The following RREB1 variants were observed in gnomAD, a reference collection of about 807,000 sequenced individuals.
The protein encoded by RREB1 is ras-responsive element-binding protein 1.
A neutral mutation model predicts 117.8 loss-of-function variants in RREB1; 27 were observed. The observed-to-expected ratio is 0.23, with a 90% CI of 0.17 to 0.32. The LOEUF (loss-of-function observed/expected upper bound fraction) is 0.32. Ranked by LOEUF, RREB1 falls within the 10% of genes least tolerant of loss-of-function variation. The pLI is 1.00. For missense variants in RREB1, 2,577 were observed against 2,378.2 expected, an observed-to-expected ratio of 1.08 and a Z score of -1.74; for synonymous variants, 1,298 against 1,026.7, an observed-to-expected ratio of 1.26 and a Z score of -5.05.
At chr6:7,181,659 G>A (rs1314101692) in intron 3 of RREB1, 3 of 604,430 alleles carry the variant, frequency 5.0e-6, no homozygotes, top group Admixed American at 3.0e-5. Context: ...ACTCAGAAAG[G>A]AGGCAAGGTT....
intron 1 of RREB1, among the ~76,000 whole-genome samples, chr6:7,171,622 G>A (rs1764213163): frequency 6.6e-6 from 1 of 152,208 alleles, no homozygotes; most frequent in Admixed American, 6.5e-5. Flanking sequence ...CCTCATGGTT[G>A]TTGTTTTGAG....
chr6:7,125,933 T>C (rs913430991), intron 1 of RREB1, among the ~76,000 whole-genome samples: 38 of 152,166 alleles, frequency 2.5e-4, no homozygotes, highest in Admixed American at 1.4e-3. Flanking sequence ...TGAATTACGG[T>C]AAGTACTTCA....
At chr6:7,127,134 A>G (rs1385504108) in intron 1 of RREB1, among the ~76,000 whole-genome samples, 1 of 151,902 alleles carries the variant, frequency 6.6e-6, no homozygotes, top group Non-Finnish European at 1.5e-5. Context: ...GGCGTGTTGT[A>G]TTGAGTTGGA....
intron 8 of RREB1, chr6:7,217,528 C>A (rs1207933878): frequency 6.6e-6 from 1 of 152,158 alleles, no homozygotes; most frequent in Non-Finnish European, 1.5e-5. Flanking sequence ...TAGCTGTCCT[C>A]TGAACGCACA....
At chr6:7,197,617 G>A (rs1019255294) in intron 6 of RREB1, among the ~76,000 whole-genome samples, 4 of 152,254 alleles carry the variant, frequency 2.6e-5, no homozygotes, top group African/African-American at 9.6e-5. Context: ...AGTGAGCTGA[G>A]ATCACGCCGC....
At chr6:7,189,483 G>A (rs1765283318) in intron 6 of RREB1, among the ~76,000 whole-genome samples, 161 bp downstream of exon 6, 1 of 152,290 alleles carries the variant, frequency 6.6e-6, no homozygotes, top group South Asian at 2.1e-4. Context: ...TATCTCTGGG[G>A]TATTAGAGGT....
At chr6:7,116,018 C>T (rs1168566432) in intron 1 of RREB1, among the ~76,000 whole-genome samples, 2 of 152,188 alleles carry the variant, frequency 1.3e-5, no homozygotes, top group South Asian at 2.1e-4. Context: ...AAGTCACAAA[C>T]GCCTCCCAAG....
At chr6:7,244,580 G>A (rs1261836641) in intron 11 of RREB1, among the ~76,000 whole-genome samples, 1 of 152,110 alleles carries the variant, frequency 6.6e-6, no homozygotes. Context: ...CATATCCCAG[G>A]ACTCATATTC....
At chr6:7,153,445 A>ACAC (rs1380017386) in intron 1 of RREB1, among the ~76,000 whole-genome samples, 2 of 105,938 alleles carry the variant, frequency 1.9e-5, no homozygotes, top group South Asian at 2.5e-4. Flanking sequence ...CACACACACA[A>ACAC]ATCCTCCAAT....
chr6:7,120,343 A>G (rs1416652703), intron 1 of RREB1, among the ~76,000 whole-genome samples: 5 of 152,058 alleles, frequency 3.3e-5, no homozygotes, highest in African/African-American at 9.7e-5. Flanking sequence ...AGTCCCAGAT[A>G]CTCAGGAGAC....
In RREB1 at chr6:7,231,192, C is replaced by T; in HGVS notation, c.3093C>T (p.Gly1031=). 3 of 1,611,468 alleles carry T rather than the reference C, an allele frequency of 1.9e-6. No individual in the cohort carries two copies. Among genetic ancestry groups the T allele is most frequent in the South Asian group, 2.2e-5 (2 of 91,044 alleles). The change falls in exon 10 of 13, where the codon GGC becomes GGT. Residue 1031 remains glycine (G), a synonymous_variant. Transcript: ENST00000379938. ...SALVSSPPLV[G]SSALLSGTAL... The stretch of plus-strand genomic sequence containing the variant: ...TGGTCAGCAGCCCTCCACTCGTGGG[C>T]AGCTCAGCCCTCCTGAGTGGCACAG...
intron 11 of RREB1, among the ~76,000 whole-genome samples, chr6:7,245,471 C>T (rs904511706): frequency 3.9e-5 from 6 of 152,174 alleles, no homozygotes; most frequent in Non-Finnish European, 5.9e-5. Context: ...AATGTACTGT[C>T]GTAATGCATA....
At chr6:7,177,853 G>C (rs1186380396) in intron 2 of RREB1, among the ~76,000 whole-genome samples, 2 of 152,174 alleles carry the variant, frequency 1.3e-5, no homozygotes, top group Non-Finnish European at 2.9e-5. Context: ...CTCCTGAGTA[G>C]CTGGGATTAC....
In RREB1 at chr6:7,110,479, G is replaced by GGTGTGTGTGTGTGTGTGT. The variant is rs111267508; in HGVS notation, c.-285+2420_-285+2437dup. Among the ~76,000 whole-genome samples the GGTGTGTGTGTGTGTGTGT allele has an allele frequency of 2.7e-3, 400 of 149,610 alleles. 1 individual carries two copies. The highest frequency in any genetic ancestry group is 3.8e-3 in the Admixed American group (58 of 15,096). Reference sequence around the variant, plus strand: ...AGACAGAATCACTAATTTTAGGGGTGGTGTGTGTGTGTGTGTGTATGTGTT... The same window carrying GGTGTGTGTGTGTGTGTGT: ...AGACAGAATCACTAATTTTAGGGGTGGTGTGTGTGTGTGTGTGTGTGTGTGTGTGTGTGTGTATGTGTT... On this transcript the variant is annotated intron_variant, in intron 1 of 12. Transcript: ENST00000379938.
At chr6:7,236,864 A>C (rs1228368443) in intron 10 of RREB1, among the ~76,000 whole-genome samples, 1 of 90,804 alleles carries the variant, frequency 1.1e-5, no homozygotes, top group Non-Finnish European at 2.3e-5. Flanking sequence ...ACACTGGCTA[A>C]TTTTTTTTGT....
rs771641990 is a variant in RREB1 at position 7,181,926 on chromosome 6, G to A, written c.15G>A (p.Ser5=). 63 of 1,614,096 alleles carry A rather than the reference G, an allele frequency of 3.9e-5. No homozygotes were observed. The highest frequency in any genetic ancestry group is 1.6e-4 in the Middle Eastern group (1 of 6,084). ...CCCCTGTCCCAATGACGTCAAGTTCGCCCGCTGGCTTGGAAGGTTCAGACC... is the reference window on the plus strand; with the variant it reads ...CCCCTGTCCCAATGACGTCAAGTTCACCCGCTGGCTTGGAAGGTTCAGACC... MTSS[S]PAGLEGSDLS... The change falls in exon 4 of 13, where the codon TCG becomes TCA. Residue 5 remains serine (S), a synonymous_variant. Transcript: ENST00000379938.
rs550579294 is a variant in RREB1, at chr6:7,135,892, T to C, written c.-285+27832T>C. Among the ~76,000 whole-genome samples the C allele has an allele frequency of 4.9e-4, 74 of 152,342 alleles. 1 individual carries two copies. In the South Asian group the frequency reaches 5.4e-3, roughly 11 times the overall value. ...TCACATTGTTTGGATTTTCTGCTGATACTAAAGCTGGATTTTTACTACACA... is the reference window on the plus strand; with the variant it reads ...TCACATTGTTTGGATTTTCTGCTGACACTAAAGCTGGATTTTTACTACACA... On this transcript the variant is annotated intron_variant, in intron 1 of 12. Coordinates refer to ENST00000379938, the MANE Select transcript of RREB1 (RefSeq NM_001003699.4).
rs1216436558 is a variant in RREB1 at position 7,226,448 on chromosome 6, T to C, written c.708-19T>C. 6.3e-7 allele frequency: 1 copy of C among 1,590,984 alleles called. No homozygotes were observed. Among genetic ancestry groups the C allele is most frequent in the African/African-American group, 1.3e-5 (1 of 74,486 alleles). On this transcript the variant is annotated intron_variant, in intron 8 of 12. Transcript: ENST00000379938. The stretch of plus-strand genomic sequence containing the variant: ...TGCTCTCCCTTTCTGCCTCATATGT[T>C]CTCCCTTTCCTCTCCTAGATGTGAC...
chr6:7,129,638 C>T (rs1313958183), intron 1 of RREB1, among the ~76,000 whole-genome samples: 1 of 152,196 alleles, frequency 6.6e-6, no homozygotes, highest in African/African-American at 2.4e-5. Context: ...TTCTTTACAG[C>T]CATAGACTTG....
Sources: allele counts gnomAD v4.1 joint callset (sites outside exome capture counted in the v4.1 genomes callset), GRCh38; gene constraint gnomAD v4.1.1; transcripts MANE v1.5; gene names NCBI Gene and HGNC (gene_info 2026-07-23, HGNC 2026-07-21).